The following TIMM21 variants were observed in gnomAD, a reference collection of about 807,000 sequenced individuals.
TIMM21 encodes translocase of inner mitochondrial membrane 21.
A neutral mutation model predicts 27.7 loss-of-function variants in TIMM21; 30 were observed. The observed-to-expected ratio is 1.08, with a 90% confidence interval of 0.81 to 1.47. The LOEUF (loss-of-function observed/expected upper bound fraction) is 1.47, where lower values mean the gene tolerates loss of function less well. TIMM21 is among the 40% of genes most tolerant of loss of function. The probability of loss-of-function intolerance (pLI) is 0.00; values close to 1 mark genes in which losing one functional copy is unlikely to be tolerated. For missense variants in TIMM21, 292 were observed against 302.9 expected, an observed-to-expected ratio of 0.96 and a Z score of 0.27; for synonymous variants, 121 against 114.4, an observed-to-expected ratio of 1.06 and a Z score of -0.37.
Position 74,158,594 on chromosome 18 carries a change from G to A in TIMM21, c.*114G>A, listed in dbSNP as rs905080293. The A allele has an allele frequency of 2.9e-6, 2 of 692,794 alleles. No homozygotes were observed. Among genetic ancestry groups the A allele is most frequent in the African/African-American group, 1.8e-5 (1 of 54,458 alleles). The allele number at this position is 692,794 out of a possible 1,614,324, so 42.9% of individuals were successfully genotyped here. On this transcript the variant is annotated 3_prime_UTR_variant, in exon 6 of 6. Coordinates refer to ENST00000169551, the MANE Select transcript of TIMM21 (RefSeq NM_014177.3). ...AGAAGGAGTGTATGGCTTATAAAGT[G>A]AATCTAATACAGTATTTGTTGCATT...
chr18:74,152,173 A>G lies in TIMM21; in HGVS notation c.302-2972A>G, dbSNP rs1979828358. ...CTTCAGGGCTAGAGGGGTCAGGAGA[A>G]TTGGGATTCAAGATTTTTTACAACA... On this transcript the variant is annotated intron_variant, in intron 1 of 5. Transcript: ENST00000169551. This position sits in a 1 kb window ranked among gnomAD's most constrained non-coding sequence, Gnocchi z 4.1. Among the ~76,000 whole-genome samples, 1 of 152,088 alleles carries G rather than the reference A, an allele frequency of 6.6e-6. No homozygotes were observed. The highest frequency in any genetic ancestry group is 1.5e-5 in the Non-Finnish European group (1 of 68,008).
intron 1 of TIMM21, 66 bp downstream of exon 1, chr18:74,149,175 A>G (rs572017201): frequency 2.6e-6 from 4 of 1,525,826 alleles, no homozygotes; most frequent in Non-Finnish European, 3.5e-6. Flanking sequence ...ATGCCCTTTT[A>G]TACCAAGTTC....
Position 74,158,172 on chromosome 18 carries a change from T to A in TIMM21, c.538T>A (p.Phe180Ile), listed in dbSNP as rs776471947. Residue 180 changes from phenylalanine to isoleucine, a missense_variant and splice_region_variant, in exon 5 of 6, where the codon TTC becomes ATC. Transcript: ENST00000169551. The part of the protein sequence containing the change: ...TRRGRRQHVR[F>I]TEYVKDGLKH... ...ACTGATCTTTCGTTTTCTCGACAGG[T>A]TCACTGAATATGTAAAAGATGGGCT... The A allele has an allele frequency of 6.2e-7, 1 of 1,614,058 alleles. No homozygotes were observed. Among genetic ancestry groups the A allele is most frequent in the East Asian group, 2.2e-5 (1 of 44,878 alleles).
intron 1 of TIMM21, among the ~76,000 whole-genome samples, chr18:74,151,662 T>C (rs1599207910): frequency 6.6e-6 from 1 of 152,206 alleles, no homozygotes; most frequent in East Asian, 1.9e-4. Flanking sequence ...GTTTTCGGGC[T>C]TTATATCTTA....
chr18:74,160,412 A>ATTC lies in TIMM21; in HGVS notation c.*1937_*1939dup, dbSNP rs1182747133. 2.0e-5 allele frequency: 3 copies of ATTC among 152,282 alleles called. No homozygotes were observed. The highest frequency in any genetic ancestry group is 7.2e-5 in the African/African-American group (3 of 41,566). 9.4% of individuals were successfully genotyped at this position (152,282 alleles called of 1,614,324 possible). On this transcript the variant is annotated 3_prime_UTR_variant, in exon 6 of 6. Coordinates refer to ENST00000169551, the MANE Select transcript of TIMM21 (RefSeq NM_014177.3). ...AGGAAAAACTCTGTACCAATAAGAG[A>ATTC]TTCTTCTGTATAGCCACAGGAAAAT...
intron 1 of TIMM21, among the ~76,000 whole-genome samples, chr18:74,151,936 T>TCC (rs1568190845): frequency 2.8e-5 from 3 of 107,032 alleles, no homozygotes; most frequent in Non-Finnish European, 5.1e-5. Context: ...GGTGTCTATG[T>TCC]TCCCCCCCCC....
chr18:74,155,496 C>T (rs1306804173), intron 3 of TIMM21, 93 bp downstream of exon 3: 21 of 1,008,410 alleles, frequency 2.1e-5, no homozygotes, highest in South Asian at 4.6e-5. Context: ...CCAGTTCTCA[C>T]GCTAGTGAAA....
chr18:74,148,603 A>T lies in TIMM21; in HGVS notation c.-206A>T. 2.0e-6 allele frequency: 1 copy of T among 507,676 alleles called. No individual in the cohort carries two copies. Among genetic ancestry groups the T allele is most frequent in the Non-Finnish European group, 3.5e-6 (1 of 284,342 alleles). 31.4% of individuals were successfully genotyped at this position (507,676 alleles called of 1,614,324 possible). Reference sequence around the variant, plus strand: ...TCAGAGCCTGTTAATTAAAATGGAAAGAAGACAGAAGGGAAGGTAGACATC... The same window carrying T: ...TCAGAGCCTGTTAATTAAAATGGAATGAAGACAGAAGGGAAGGTAGACATC... On this transcript the variant is annotated 5_prime_UTR_variant, in exon 1 of 6. The change creates a new upstream start codon in the 5' untranslated region. Coordinates refer to ENST00000169551, the MANE Select transcript of TIMM21 (RefSeq NM_014177.3).
At chr18:74,154,691 T>G (rs1299288827) in intron 1 of TIMM21, among the ~76,000 whole-genome samples, 1 of 152,252 alleles carries the variant, frequency 6.6e-6, no homozygotes, top group African/African-American at 2.4e-5. Context: ...GTTTAATTCA[T>G]AAATCTTTCT....
chr18:74,155,829 C>T (rs140950945), intron 3 of TIMM21, among the ~76,000 whole-genome samples: 8 of 152,270 alleles, frequency 5.3e-5, no homozygotes, highest in East Asian at 1.9e-4. Flanking sequence ...CATTTGTGTT[C>T]GGCACTACTT....
rs1325323635 is a variant in TIMM21, at chr18:74,149,062, T to TG, written c.255dup (p.His86AlafsTer54). 1 of 1,613,608 alleles carries TG rather than the reference T, an allele frequency of 6.2e-7. No homozygotes were observed. On this transcript the variant is annotated frameshift_variant, in exon 1 of 6. Transcript: ENST00000169551. LOFTEE classifies it high-confidence loss of function. ...GAGGATGGCAGCAAACAAGTGTCTGTGCACAGGAGTCAGAGAGGGGGAACC... is the reference window on the plus strand; with the variant it reads ...GAGGATGGCAGCAAACAAGTGTCTGTGGCACAGGAGTCAGAGAGGGGGAACC...
At chr18:74,155,742 CACTT>C (rs1445314680) in intron 3 of TIMM21, among the ~76,000 whole-genome samples, 3 of 152,208 alleles carry the variant, frequency 2.0e-5, no homozygotes, top group Non-Finnish European at 4.4e-5. Flanking sequence ...TCATTGCTGA[CACTT>C]ACCGAAAATG....
intron 1 of TIMM21, 128 bp downstream of exon 1, chr18:74,149,237 C>T (rs2145251227): frequency 2.8e-6 from 3 of 1,081,740 alleles, no homozygotes; most frequent in South Asian, 3.4e-5. Context: ...ACCGTTTAAA[C>T]ATAATTTAGA....
intron 3 of TIMM21, chr18:74,156,399 G>T: frequency 2.5e-6 from 1 of 397,874 alleles, no homozygotes; most frequent in Non-Finnish European, 4.4e-6. Flanking sequence ...ATCATGTCAG[G>T]GTGGAAACCT....
intron 1 of TIMM21, among the ~76,000 whole-genome samples, chr18:74,154,690 A>G (rs942427862): frequency 1.3e-5 from 2 of 152,202 alleles, no homozygotes; most frequent in Admixed American, 1.3e-4. Flanking sequence ...AGTTTAATTC[A>G]TAAATCTTTC....
chr18:74,149,549 AT>A (rs60605024), intron 1 of TIMM21, among the ~76,000 whole-genome samples: 10 of 151,472 alleles, frequency 6.6e-5, no homozygotes, highest in Non-Finnish European at 1.2e-4. Flanking sequence ...ATATTTTAAG[AT>A]TTTTTTTTAA....
chr18:74,156,029 C>G (rs1236765255), intron 3 of TIMM21, among the ~76,000 whole-genome samples: 1 of 152,180 alleles, frequency 6.6e-6, no homozygotes, highest in Non-Finnish European at 1.5e-5. Flanking sequence ...GGGAAGCTGC[C>G]TTGGTTCTTT....
intron 3 of TIMM21, chr18:74,156,483 T>G (rs1230492760): frequency 5.1e-6 from 2 of 392,600 alleles, no homozygotes; most frequent in Admixed American, 4.4e-5. Context: ...GGACAGCCAG[T>G]GGTAACCATG....
chr18:74,158,409 A>G lies in TIMM21; in HGVS notation c.676A>G (p.Ile226Val), dbSNP rs1284387483. ...AAGTGGTGAATATGATTTTCGATAT[A>G]TATTTGTAGAAATTGAATCTTATCC... Reference protein sequence around the residue: ...PGSGEYDFRYIFVEIESYPRR... With the variant: ...PGSGEYDFRYVFVEIESYPRR... The change falls in exon 6 of 6, where the codon ATA (isoleucine) becomes GTA (valine). Residue 226 changes from isoleucine to valine, a missense_variant. Physicochemically the swap from Ile to Val is conservative, Grantham distance 29. Transcript: ENST00000169551. 4 of 1,605,988 alleles carry G rather than the reference A, an allele frequency of 2.5e-6. No individual in the cohort carries two copies. The highest frequency in any genetic ancestry group is 3.4e-6 in the Non-Finnish European group (4 of 1,173,958).
Sources: gnomAD v4.1 joint callset for allele counts (sites outside exome capture counted in the v4.1 genomes callset) on GRCh38, gnomAD v4.1.1 for gene constraint, Gnocchi (gnomAD v3.1) non-coding constraint, MANE v1.5 for transcripts, NCBI Gene and HGNC (gene_info 2026-07-23, HGNC 2026-07-21) for gene names.